The following ROBO2 variants were observed in gnomAD, a reference collection of about 807,000 sequenced individuals.
ROBO2 encodes the protein roundabout homolog 2.
In ROBO2, 53 loss-of-function variants were observed where a neutral mutation model predicts 160.8. The observed-to-expected ratio is 0.33, with a 90% CI of 0.26 to 0.41. ROBO2 has a LOEUF of 0.41. Ranked by LOEUF, ROBO2 falls within the 10% of genes least tolerant of loss-of-function variation. ROBO2 has a pLI of 1.00. For synonymous variants in ROBO2, 664 were observed against 611.7 expected (o/e 1.09, Z -1.26); for missense variants, 1,577 against 1,722.4 (o/e 0.92, Z 1.49).
chr3:76,697,927 A>G (rs2597252), intron 2 of ROBO2, among the ~76,000 whole-genome samples: 51,282 of 145,752 alleles, frequency 0.35, 9,490 homozygotes, highest in East Asian at 0.55. Flanking sequence ...AGAATTGGAT[A>G]TAGAATGCCT....
At chr3:77,492,933 T>A (rs190558683) in intron 4 of ROBO2, among the ~76,000 whole-genome samples, 1 of 152,328 alleles carries the variant, frequency 6.6e-6, no homozygotes, top group East Asian at 1.9e-4. Context: ...CCTGTAGAAT[T>A]CAGTGTTCTG....
chr3:77,000,624 T>C (rs989290885), intron 2 of ROBO2, among the ~76,000 whole-genome samples: 3 of 152,186 alleles, frequency 2.0e-5, no homozygotes, highest in Admixed American at 6.5e-5. Flanking sequence ...TAAAAATCCC[T>C]GAAGACAGAG....
chr3:77,510,597 G>A (rs2089272250), intron 5 of ROBO2, among the ~76,000 whole-genome samples: 1 of 152,044 alleles, frequency 6.6e-6, no homozygotes, highest in African/African-American at 2.4e-5. Flanking sequence ...GATTTACTAT[G>A]TGCCTTGTGC....
chr3:76,772,136 G>T (rs1188858434), intron 2 of ROBO2, among the ~76,000 whole-genome samples: 2 of 151,236 alleles, frequency 1.3e-5, no homozygotes, highest in African/African-American at 4.8e-5. Flanking sequence ...CCCACGGCAT[G>T]TGGGCTTTGT....
intron 16 of ROBO2, among the ~76,000 whole-genome samples, chr3:77,587,761 G>A (rs2094089906): frequency 6.6e-6 from 1 of 152,082 alleles, no homozygotes; most frequent in African/African-American, 2.4e-5. Flanking sequence ...TTCCTTTGAT[G>A]TGATATGCTG....
intron 2 of ROBO2, among the ~76,000 whole-genome samples, chr3:76,073,247 A>T (rs1194070909): frequency 7.1e-6 from 1 of 141,394 alleles, no homozygotes; most frequent in Non-Finnish European, 1.5e-5. Flanking sequence ...CTGATTTGTA[A>T]ACTTCTCAGA....
rs547062691 is a variant in ROBO2 at position 76,033,872 on chromosome 3, G to A, written c.109+96270G>A. Among the ~76,000 whole-genome samples, 36 of 152,262 alleles carry A rather than the reference G, an allele frequency of 2.4e-4. No individual in the cohort carries two copies. In the South Asian group the frequency reaches 4.8e-3, roughly 20 times the overall value. On this transcript the variant is annotated intron_variant, in intron 2 of 26. Coordinates refer to the ROBO2 transcript ENST00000487694. ...GCCTGTCACCCTCCCGTCTCTCCGTGTGGTTACCCTCCTTAATAGGAGATC... is the reference window on the plus strand; with the variant it reads ...GCCTGTCACCCTCCCGTCTCTCCGTATGGTTACCCTCCTTAATAGGAGATC...
chr3:77,075,299 T>A (rs2067850086), intron 1 of ROBO2, among the ~76,000 whole-genome samples: 1 of 152,210 alleles, frequency 6.6e-6, no homozygotes, highest in South Asian at 2.1e-4. Context: ...GACATAGGGA[T>A]ACTTCAGATG....
chr3:77,606,909 C>T (rs972898995), intron 20 of ROBO2, among the ~76,000 whole-genome samples: 13 of 152,096 alleles, frequency 8.5e-5, no homozygotes, highest in African/African-American at 2.7e-4. Context: ...TTATTCTGCT[C>T]CAAGAAGTAC....
chr3:76,803,465 AAGG>A (rs1242567909), intron 2 of ROBO2, among the ~76,000 whole-genome samples: 7 of 140,148 alleles, frequency 5.0e-5, no homozygotes, highest in African/African-American at 7.7e-5. Context: ...GGAAGGAAGA[AAGG>A]AAGGAAGGGA....
intron 2 of ROBO2, among the ~76,000 whole-genome samples, chr3:77,328,620 T>A (rs767376706): frequency 2.0e-5 from 3 of 152,194 alleles, no homozygotes; most frequent in Non-Finnish European, 4.4e-5. Context: ...TAATGGCATA[T>A]GTTAAAAATG....
chr3:77,198,504 C>G (rs1437148117), intron 2 of ROBO2, among the ~76,000 whole-genome samples: 1 of 152,114 alleles, frequency 6.6e-6, no homozygotes, highest in Non-Finnish European at 1.5e-5. Flanking sequence ...GTTAGAAGGT[C>G]ATTGTGGCAA....
intron 2 of ROBO2, among the ~76,000 whole-genome samples, chr3:77,197,465 T>C (rs1203457026): frequency 6.6e-6 from 1 of 152,172 alleles, no homozygotes; most frequent in Non-Finnish European, 1.5e-5. Context: ...AATAATTACG[T>C]TCTTTAAAAA....
chr3:77,297,590 C>T (rs908180842), intron 2 of ROBO2, among the ~76,000 whole-genome samples: 8 of 152,096 alleles, frequency 5.3e-5, no homozygotes, highest in African/African-American at 1.9e-4. Flanking sequence ...TTGCCATTGG[C>T]TACATCAGAT....
At chr3:77,445,494 T>C (rs2080379550) in intron 2 of ROBO2, among the ~76,000 whole-genome samples, 1 of 152,050 alleles carries the variant, frequency 6.6e-6, no homozygotes, top group Admixed American at 6.6e-5. Flanking sequence ...CATACAAAAA[T>C]AATTATATAT....
intron 2 of ROBO2, among the ~76,000 whole-genome samples, chr3:76,463,388 TAAAA>T (rs756401156): frequency 1.3e-5 from 2 of 151,750 alleles, no homozygotes; most frequent in Non-Finnish European, 2.9e-5. Flanking sequence ...AAAAACAAAA[TAAAA>T]AAAACTATAA....
At chr3:76,664,655 C>T (rs2091955744) in intron 2 of ROBO2, among the ~76,000 whole-genome samples, 1 of 152,064 alleles carries the variant, frequency 6.6e-6, no homozygotes, top group Admixed American at 6.6e-5. Context: ...CTGTAACCTC[C>T]AGTGAAATAA....
intron 2 of ROBO2, among the ~76,000 whole-genome samples, chr3:77,275,755 G>A (rs2059785214): frequency 6.6e-6 from 1 of 151,984 alleles, no homozygotes; most frequent in Non-Finnish European, 1.5e-5. Flanking sequence ...AACAAAATTG[G>A]CATAAGAGTT....
rs950583966 is a variant in ROBO2 at position 76,737,314 on chromosome 3, GT to G, written c.110-360689del. On this transcript the variant is annotated intron_variant, in intron 2 of 26. Coordinates refer to the ROBO2 transcript ENST00000487694. Reference sequence around the variant, plus strand: ...ACATTGGTCTTTTTATTATTCACAAGTTTTTTTTTTTCTGGTATTTTCTGTT... The same window carrying G: ...ACATTGGTCTTTTTATTATTCACAAGTTTTTTTTTTCTGGTATTTTCTGTT... Among the ~76,000 whole-genome samples, 546 of 145,840 alleles carry G rather than the reference GT, an allele frequency of 3.7e-3. 4 individuals are homozygous for G. Among genetic ancestry groups the G allele is most frequent in the African/African-American group, 0.013 (511 of 40,078 alleles).
Sources: gnomAD v4.1 joint callset for allele counts (sites outside exome capture counted in the v4.1 genomes callset) on GRCh38, gnomAD v4.1.1 for gene constraint, MANE v1.5 for transcripts, NCBI Gene and HGNC (gene_info 2026-07-23, HGNC 2026-07-21) for gene names.